Variants in SUZ12 observed in about 807,000 individuals in gnomAD.
The protein encoded by SUZ12 is SUZ12 polycomb repressive complex 2 subunit, also known as polycomb protein SUZ12.
Under a neutral mutation model 87.3 loss-of-function variants are expected in SUZ12, and 17 were observed. That is an observed-to-expected ratio of 0.19 (90% CI 0.13 to 0.29). The LOEUF is 0.29. Ranked by LOEUF, SUZ12 falls within the 10% of genes least tolerant of loss-of-function variation. SUZ12 has a pLI of 1.00. For synonymous variants in SUZ12, 253 were observed against 312.4 expected (o/e 0.81, Z 2.01); for missense variants, 526 against 912.2 (o/e 0.58, Z 5.45).
chr17:31,948,607 C>T (rs1197466957), intron 4 of SUZ12, among the ~76,000 whole-genome samples: 1 of 152,044 alleles, frequency 6.6e-6, no homozygotes, highest in Non-Finnish European at 1.5e-5. Context: ...AAAAGACTTC[C>T]TTTTTTTCAG....
At chr17:31,959,186 T>C (rs1298729616) in intron 4 of SUZ12, among the ~76,000 whole-genome samples, 1 of 152,224 alleles carries the variant, frequency 6.6e-6, no homozygotes, top group Non-Finnish European at 1.5e-5. Context: ...CTTGAGTTTT[T>C]GTTCTTTTTT....
At chr17:31,964,691 A>G (rs539838685) in intron 4 of SUZ12, among the ~76,000 whole-genome samples, 22 of 152,290 alleles carry the variant, frequency 1.4e-4, no homozygotes, top group East Asian at 5.8e-4. Flanking sequence ...GACGTGAAGC[A>G]CTGCACCCGG....
chr17:31,993,841 C>CTTT, intron 11 of SUZ12, 24 bp from the exon 12 acceptor site: 2 of 1,280,558 alleles, frequency 1.6e-6, no homozygotes, highest in Non-Finnish European at 2.1e-6. Flanking sequence ...TGGAGATTTG[C>CTTT]TTTTTTTTTT....
chr17:31,993,386 T>C, intron 11 of SUZ12, 53 bp downstream of exon 11: 2 of 1,179,972 alleles, frequency 1.7e-6, no homozygotes, highest in Non-Finnish European at 2.4e-6. Flanking sequence ...TTGTTTTTTG[T>C]ATGTCAAACA....
chr17:31,974,863 G>A (rs1908651099), intron 6 of SUZ12, among the ~76,000 whole-genome samples: 1 of 152,190 alleles, frequency 6.6e-6, no homozygotes, highest in South Asian at 2.1e-4. Context: ...TGCATTTTCA[G>A]TGTAACTAAT....
chr17:31,988,230 A>G (rs1197344318), intron 9 of SUZ12, 90 bp from the exon 10 acceptor site: 15 of 1,293,602 alleles, frequency 1.2e-5, no homozygotes, highest in Admixed American at 2.6e-5. Flanking sequence ...GCAAATCCAC[A>G]TTGACTTATA....
Position 31,996,760 on chromosome 17 carries a change from A to G in SUZ12, c.1795-38A>G, listed in dbSNP as rs1458603434. ...GACATTCTCACAAGTTTTTCTTAAA[A>G]TATGTGTTTAATAGGTGTTTTTCTT... On this transcript the variant is annotated intron_variant, in intron 14 of 15. Coordinates refer to ENST00000322652, the MANE Select transcript of SUZ12 (RefSeq NM_015355.4). 7.9e-6 allele frequency: 11 copies of G among 1,393,514 alleles called. No individual in the cohort carries two copies. The Admixed American group carries it at 1.1e-4, about 13-fold the overall frequency. The allele number at this position is 1,393,514 out of a possible 1,614,324, so 86.3% of individuals were successfully genotyped here. A position where few individuals can be genotyped will look rare whatever the true frequency, so the allele number is the denominator to read the frequency against.
intron 3 of SUZ12, among the ~76,000 whole-genome samples, chr17:31,944,328 A>G (rs1170713359): frequency 6.6e-6 from 1 of 151,934 alleles, no homozygotes; most frequent in African/African-American, 2.4e-5. Flanking sequence ...GGGTTTCTCC[A>G]TGTTGGTCAG....
intron 9 of SUZ12, among the ~76,000 whole-genome samples, chr17:31,984,300 A>G (rs1321417455): frequency 6.6e-6 from 1 of 152,232 alleles, no homozygotes; most frequent in African/African-American, 2.4e-5. Flanking sequence ...TATGTGAGAA[A>G]GAGAAACTGT....
rs200797131 is a variant in SUZ12, at chr17:31,998,736, T to C, written c.1953T>C (p.Asn651=). Reference sequence around the variant, plus strand: ...ATGGACAGAAAATAATTAAGAAGAATTTATGTCGAAACTTCATGCTTCATC... The same window carrying C: ...ATGGACAGAAAATAATTAAGAAGAACTTATGTCGAAACTTCATGCTTCATC... ...ENYGQKIIKK[N]LCRNFMLHLV... is the part of the protein sequence containing the mutation. The change falls in exon 16 of 16, where the codon AAT becomes AAC. Residue 651 remains asparagine, a synonymous_variant. Transcript: ENST00000322652. 67 of 1,606,336 alleles carry C rather than the reference T, an allele frequency of 4.2e-5. No homozygotes were observed. The highest frequency in any genetic ancestry group is 8.9e-5 in the South Asian group (8 of 89,438).
chr17:31,962,285 A>T (rs58906476), intron 4 of SUZ12, among the ~76,000 whole-genome samples: 2 of 151,920 alleles, frequency 1.3e-5, no homozygotes, highest in African/African-American at 4.8e-5. Context: ...GAAAAAAAAA[A>T]TAATTGAATT....
intron 8 of SUZ12, among the ~76,000 whole-genome samples, chr17:31,978,579 A>G (rs1054190818): frequency 5.9e-5 from 9 of 152,140 alleles, no homozygotes; most frequent in Non-Finnish European, 8.8e-5. Flanking sequence ...CCATAAATGT[A>G]CTAGAAAATA....
rs1214250174 is a variant in SUZ12 at position 31,943,898 on chromosome 17, A to G, written c.386+3412A>G. ...TTTTTAGTAGAGACAGGGTTTCACC[A>G]TGTTGGTCAGGCTGGTCTCAAACTC... On this transcript the variant is annotated intron_variant, in intron 3 of 15. Coordinates refer to ENST00000322652, the MANE Select transcript of SUZ12 (RefSeq NM_015355.4). Among the ~76,000 whole-genome samples the G allele has an allele frequency of 2.0e-5, 3 of 151,902 alleles. No homozygotes were observed. In the East Asian group the frequency reaches 5.8e-4, roughly 30 times the overall value.
At chr17:31,986,964 A>G (rs528908477) in intron 9 of SUZ12, among the ~76,000 whole-genome samples, 1 of 152,294 alleles carries the variant, frequency 6.6e-6, no homozygotes, top group Admixed American at 6.5e-5. Flanking sequence ...GATCTCTCCT[A>G]TATTTGAATA....
At chr17:31,965,777 T>C (rs1312870783) in intron 4 of SUZ12, 1 of 163,128 alleles carries the variant, frequency 6.1e-6, no homozygotes, top group Admixed American at 6.4e-5. Context: ...CCAAAATTCC[T>C]TTTTAAAGAT....
At chr17:31,951,334 AC>A (rs1446835036) in intron 4 of SUZ12, among the ~76,000 whole-genome samples, 1 of 152,222 alleles carries the variant, frequency 6.6e-6, no homozygotes, top group Non-Finnish European at 1.5e-5. Flanking sequence ...TATAAACTAA[AC>A]CAAGATATGA....
At chr17:31,989,611 T>G (rs1483005889) in intron 10 of SUZ12, among the ~76,000 whole-genome samples, 1 of 152,066 alleles carries the variant, frequency 6.6e-6, no homozygotes, top group Non-Finnish European at 1.5e-5. Flanking sequence ...TGTTTTTTTG[T>G]TTTTTGAGAC....
rs1473395099 is a variant in SUZ12, at chr17:32,000,399, G to C, written c.*1396G>C. ...GTCTTTAAGATGTGTTTAACTGTGA[G>C]GCTATTTAACGAATAGTGTGGATGT... On this transcript the variant is annotated 3_prime_UTR_variant, in exon 16 of 16. Transcript: ENST00000322652. 4.3e-6 allele frequency: 1 copy of C among 232,394 alleles called. No individual in the cohort carries two copies. The highest frequency in any genetic ancestry group is 2.2e-5 in the African/African-American group (1 of 45,242). The allele number at this position is 232,394 out of a possible 1,614,324, so 14.4% of individuals were successfully genotyped here. A position where few individuals can be genotyped will look rare whatever the true frequency, so the allele number is the denominator to read the frequency against.
chr17:31,977,697 T>C (rs113496733), intron 8 of SUZ12, among the ~76,000 whole-genome samples: 7,110 of 152,174 alleles, frequency 0.047, 533 homozygotes, highest in African/African-American at 0.16. Flanking sequence ...GAGACCAGCC[T>C]GGCCAAGATG....
Sources: allele counts gnomAD v4.1 joint callset (sites outside exome capture counted in the v4.1 genomes callset), GRCh38; gene constraint gnomAD v4.1.1; transcripts MANE v1.5; gene names NCBI Gene and HGNC (gene_info 2026-07-23, HGNC 2026-07-21).